BPNT2: variants seen among roughly 807,000 people sequenced by gnomAD.
BPNT2 encodes the protein Golgi-resident adenosine 3',5'-bisphosphate 3'-phosphatase.
BPNT2 carries 11 observed loss-of-function variants against 29.3 expected under a neutral mutation model. That is an observed-to-expected ratio of 0.38 (90% confidence interval 0.24 to 0.62). The LOEUF is 0.62. Ranked by LOEUF, BPNT2 falls within the 20% of genes least tolerant of loss-of-function variation. The pLI is 0.62. For missense variants in BPNT2, 459 were observed against 473.4 expected (o/e 0.97, Z 0.28); for synonymous variants, 195 against 187.7 (o/e 1.04, Z -0.32).
In BPNT2 at chr8:56,959,080, A is replaced by G. The variant is rs1805785030; in HGVS notation, c.*4713T>C. On this transcript the variant is annotated 3_prime_UTR_variant, in exon 5 of 5. Coordinates refer to ENST00000262644, the MANE Select transcript of BPNT2 (RefSeq NM_017813.5). ...ATGAATTTTAAGGGAACATATTACT[A>G]ATCAAATAACACAGTTTATGCTTTT... is the stretch of plus-strand genomic sequence containing the variant. 1 of 152,214 alleles carries G rather than the reference A, an allele frequency of 6.6e-6. No homozygotes were observed. Among genetic ancestry groups the G allele is most frequent in the South Asian group, 2.1e-4 (1 of 4,828 alleles). 9.4% of individuals were successfully genotyped at this position (152,214 alleles called of 1,614,324 possible).
rs147166390 is a variant in BPNT2 at position 56,969,683 on chromosome 8, T to G, written c.647-3331A>C. ...AGTGAACCAAGAGACAATGAGACAA[T>G]GTCTAAAGAAAAGGACTACATGAGT... On this transcript the variant is annotated intron_variant, in intron 3 of 4. Transcript: ENST00000262644. Among the ~76,000 whole-genome samples the G allele has an allele frequency of 3.7e-3, 561 of 152,056 alleles. 7 individuals are homozygous for G. The highest frequency in any genetic ancestry group is 0.013 in the African/African-American group (521 of 41,462).
chr8:56,968,239 A>G (rs1198230344), intron 3 of BPNT2, among the ~76,000 whole-genome samples: 2 of 152,116 alleles, frequency 1.3e-5, no homozygotes, highest in Non-Finnish European at 2.9e-5. Context: ...AATAAAAAGA[A>G]AAGAACAAAA....
intron 1 of BPNT2, among the ~76,000 whole-genome samples, chr8:56,986,891 T>C (rs374192118): frequency 1.2e-4 from 19 of 152,342 alleles, no homozygotes; most frequent in African/African-American, 4.1e-4. Context: ...AGTTGAACCA[T>C]CTTAAGTTGG....
rs1805778526 is a variant in BPNT2, at chr8:56,958,673, A to G, written c.*5120T>C. The G allele has an allele frequency of 6.6e-6, 1 of 152,178 alleles. No individual in the cohort carries two copies. Among genetic ancestry groups the G allele is most frequent in the South Asian group, 2.1e-4 (1 of 4,834 alleles). The allele number at this position is 152,178 out of a possible 1,614,324, so 9.4% of individuals were successfully genotyped here. On this transcript the variant is annotated 3_prime_UTR_variant, in exon 5 of 5. Transcript: ENST00000262644. ...ACTCCATTTCCTAGTTTTAGTGTAA[A>G]CTCAATCCCTTGTGCATATACATCT...
At chr8:56,987,736 T>C (rs546490811) in intron 1 of BPNT2, among the ~76,000 whole-genome samples, 34 of 151,626 alleles carry the variant, frequency 2.2e-4, no homozygotes, top group African/African-American at 6.8e-4. Flanking sequence ...ATTTTCTTTT[T>C]TTTTTTTTTT....
At chr8:56,971,142 C>T (rs1319449862) in intron 3 of BPNT2, among the ~76,000 whole-genome samples, 4 of 151,624 alleles carry the variant, frequency 2.6e-5, no homozygotes, top group Admixed American at 2.0e-4. Context: ...CTTACATGAA[C>T]ATAATTATTT....
In BPNT2 at chr8:56,959,354, T is replaced by C. The variant is rs912968611; in HGVS notation, c.*4439A>G. 4 of 152,144 alleles carry C rather than the reference T, an allele frequency of 2.6e-5. No individual in the cohort carries two copies. Among genetic ancestry groups the C allele is most frequent in the African/African-American group, 9.6e-5 (4 of 41,454 alleles). The allele number at this position is 152,144 out of a possible 1,614,324, so 9.4% of individuals were successfully genotyped here. On this transcript the variant is annotated 3_prime_UTR_variant, in exon 5 of 5. Transcript: ENST00000262644. ...TTGCCAGGCTTTGATGAAATAAAAA[T>C]AAACGATTTACATAAGCAGTACCTG...
In BPNT2 at chr8:56,959,631, T is replaced by C. The variant is rs1162796114; in HGVS notation, c.*4162A>G. The C allele has an allele frequency of 6.6e-6, 1 of 152,216 alleles. No homozygotes were observed. Among genetic ancestry groups the C allele is most frequent in the African/African-American group, 2.4e-5 (1 of 41,452 alleles). 9.4% of individuals were successfully genotyped at this position (152,216 alleles called of 1,614,324 possible). ...AACTAAGATTTGTAAAACTGTGATC[T>C]ATCCTGGTCTAATATTATTAAAATT... On this transcript the variant is annotated 3_prime_UTR_variant, in exon 5 of 5. Transcript: ENST00000262644.
Position 56,966,263 on chromosome 8 carries a change from A to C in BPNT2, c.736T>G (p.Ser246Ala), listed in dbSNP as rs1229333132. ...TPRIVVSRSH[S>A]GMVKQVALQT... ...AGAGCGACCTGTTTGACCATCCCTG[A>C]ATGGGAACGAGACACAACGATCCTT... The change falls in exon 4 of 5, where the codon TCA becomes GCA. Residue 246 changes from serine (S) to alanine (A), a missense_variant. Transcript: ENST00000262644. The C allele has an allele frequency of 6.2e-7, 1 of 1,614,062 alleles. No homozygotes were observed.
chr8:56,964,227 T>C, intron 4 of BPNT2, 163 bp from the exon 5 acceptor site: 1 of 573,644 alleles, frequency 1.7e-6, no homozygotes, highest in Non-Finnish European at 3.1e-6. Context: ...ATTAAAAAAA[T>C]TTTAAAGTAA....
At chr8:56,985,565 A>T (rs369706752) in intron 1 of BPNT2, among the ~76,000 whole-genome samples, 55 of 152,326 alleles carry the variant, frequency 3.6e-4, no homozygotes, top group African/African-American at 1.3e-3. Flanking sequence ...GGTAAGCATA[A>T]AAAGGTTCTA....
At chr8:56,980,283 A>C in intron 1 of BPNT2, 86 bp from the exon 2 acceptor site, 3 of 1,034,442 alleles carry the variant, frequency 2.9e-6, no homozygotes, top group South Asian at 1.3e-5. Context: ...GACAACAATC[A>C]CCCAAATTAT....
intron 4 of BPNT2, among the ~76,000 whole-genome samples, chr8:56,965,259 C>T (rs535901584): frequency 1.9e-3 from 290 of 152,168 alleles, no homozygotes; most frequent in Non-Finnish European, 3.3e-3. Context: ...GCGGAGGTTG[C>T]GATGAGCCTA....
intron 3 of BPNT2, among the ~76,000 whole-genome samples, chr8:56,971,438 C>T (rs377429556): frequency 1.3e-5 from 2 of 152,030 alleles, no homozygotes; most frequent in South Asian, 4.1e-4. Context: ...GCTCCCCTTA[C>T]ATCCAGATAT....
At chr8:56,974,194 T>C (rs756522818) in intron 3 of BPNT2, among the ~76,000 whole-genome samples, 5 of 152,160 alleles carry the variant, frequency 3.3e-5, no homozygotes, top group Non-Finnish European at 4.4e-5. Context: ...GCTATTTATG[T>C]TGTTAAGATT....
At position 56,961,034 on chromosome 8, in the gene BPNT2, A is replaced by G. The variant is rs1226749567; in HGVS notation, c.*2759T>C. Reference sequence around the variant, plus strand: ...GAGATAAAGGAGAACATGAACCGGTAAGGGAAATGGTCACAAGGTAGAAGA... The same window carrying G: ...GAGATAAAGGAGAACATGAACCGGTGAGGGAAATGGTCACAAGGTAGAAGA... On this transcript the variant is annotated 3_prime_UTR_variant, in exon 5 of 5. Transcript: ENST00000262644. 2.6e-5 allele frequency: 4 copies of G among 152,242 alleles called. No individual in the cohort carries two copies. The highest frequency in any genetic ancestry group is 5.9e-5 in the Non-Finnish European group (4 of 68,076). The allele number at this position is 152,242 out of a possible 1,614,324, so 9.4% of individuals were successfully genotyped here. A position where few individuals can be genotyped will look rare whatever the true frequency, so the allele number is the denominator to read the frequency against.
At chr8:56,981,663 GTTCT>G (rs1197233194) in intron 1 of BPNT2, among the ~76,000 whole-genome samples, 2 of 152,194 alleles carry the variant, frequency 1.3e-5, no homozygotes, top group African/African-American at 2.4e-5. Flanking sequence ...AGAATTGAGT[GTTCT>G]TTAAGAATTA....
intron 3 of BPNT2, among the ~76,000 whole-genome samples, chr8:56,972,339 G>A (rs1211367467): frequency 2.6e-5 from 4 of 151,372 alleles, no homozygotes; most frequent in Admixed American, 2.6e-4. Flanking sequence ...ACAAGAAAAA[G>A]TTGAATTGCT....
At chr8:56,983,263 T>G (rs1186470279) in intron 1 of BPNT2, among the ~76,000 whole-genome samples, 1 of 152,010 alleles carries the variant, frequency 6.6e-6, no homozygotes, top group Non-Finnish European at 1.5e-5. Context: ...GAAAAAAAAG[T>G]AATGTAGCTA....
Sources: allele counts gnomAD v4.1 joint callset (sites outside exome capture counted in the v4.1 genomes callset), GRCh38; gene constraint gnomAD v4.1.1; transcripts MANE v1.5; gene names NCBI Gene and HGNC (gene_info 2026-07-23, HGNC 2026-07-21).